The following NEDD4L variants were observed in gnomAD, a reference collection of about 807,000 sequenced individuals.
NEDD4L encodes E3 ubiquitin-protein ligase NEDD4-like.
Under a neutral mutation model 148.9 loss-of-function variants are expected in NEDD4L, and 54 were observed. The observed-to-expected ratio is 0.36, with a 90% CI of 0.29 to 0.45. NEDD4L has a LOEUF of 0.45. Among genes scored for constraint, NEDD4L ranks in the 20% least tolerant of loss-of-function variants. The pLI, the probability that NEDD4L is intolerant of heterozygous loss-of-function variation, is 1.00. For missense variants in NEDD4L, 856 were observed against 1,233.8 expected (o/e 0.69, Z 4.59); for synonymous variants, 433 against 440.7 (o/e 0.98, Z 0.22).
chr18:58,126,396 T>C (rs555307956), intron 1 of NEDD4L, among the ~76,000 whole-genome samples: 1 of 152,346 alleles, frequency 6.6e-6, no homozygotes, highest in East Asian at 1.9e-4. Context: ...TAGGGGGTCT[T>C]TTGCTTGGGA....
At chr18:58,071,439 G>A (rs916614455) in intron 1 of NEDD4L, among the ~76,000 whole-genome samples, 1 of 152,198 alleles carries the variant, frequency 6.6e-6, no homozygotes, top group African/African-American at 2.4e-5. Context: ...ATTCACTGGA[G>A]GGGCTTAGCA....
intron 5 of NEDD4L, among the ~76,000 whole-genome samples, chr18:58,307,637 C>T (rs959369738): frequency 1.1e-4 from 17 of 152,298 alleles, no homozygotes; most frequent in African/African-American, 3.6e-4. Flanking sequence ...TGGCTTGTGA[C>T]ATTCTACATA....
intron 1 of NEDD4L, among the ~76,000 whole-genome samples, chr18:58,060,349 G>A (rs1426210712): frequency 6.6e-6 from 1 of 152,120 alleles, no homozygotes; most frequent in Non-Finnish European, 1.5e-5. Flanking sequence ...CCTGGCCTCA[G>A]GTAATCCTCC....
At chr18:58,148,799 C>A (rs1599111528) in intron 1 of NEDD4L, among the ~76,000 whole-genome samples, 1 of 152,182 alleles carries the variant, frequency 6.6e-6, no homozygotes, top group East Asian at 1.9e-4. Context: ...ACCCATAACA[C>A]CAATGTCATA....
intron 1 of NEDD4L, among the ~76,000 whole-genome samples, chr18:58,076,778 A>T (rs1599099161): frequency 6.6e-6 from 1 of 152,068 alleles, no homozygotes; most frequent in East Asian, 1.9e-4. Flanking sequence ...CCTGCAGAAA[A>T]GGTAAAGAAT....
chr18:58,382,251 A>G (rs1275913252), intron 24 of NEDD4L, among the ~76,000 whole-genome samples: 1 of 152,236 alleles, frequency 6.6e-6, no homozygotes, highest in African/African-American at 2.4e-5. Flanking sequence ...TCCTGGGTGC[A>G]GGTGGCAGGA....
chr18:58,081,320 A>G (rs949886399), intron 1 of NEDD4L, among the ~76,000 whole-genome samples: 10 of 145,294 alleles, frequency 6.9e-5, no homozygotes, highest in Non-Finnish European at 1.0e-4. Flanking sequence ...GGTTCACGCC[A>G]TGCTCCTGCC....
intron 24 of NEDD4L, among the ~76,000 whole-genome samples, chr18:58,378,299 G>A (rs1217446183): frequency 6.6e-6 from 1 of 152,164 alleles, no homozygotes; most frequent in African/African-American, 2.4e-5. Flanking sequence ...GAGAGAGGTG[G>A]GCCACTGGCA....
chr18:58,237,903 T>C (rs1217638407), intron 2 of NEDD4L, among the ~76,000 whole-genome samples: 2 of 152,220 alleles, frequency 1.3e-5, no homozygotes. Flanking sequence ...GAGTTGGTCC[T>C]GGCTAGAGAT....
intron 9 of NEDD4L, 60 bp from the exon 10 acceptor site, chr18:58,328,935 A>T: frequency 1.2e-6 from 2 of 1,607,394 alleles, no homozygotes; most frequent in Non-Finnish European, 1.7e-6. Context: ...TTGAACTGTC[A>T]TGAAGGGCCC....
chr18:58,058,163 G>A (rs983835654), intron 1 of NEDD4L, among the ~76,000 whole-genome samples: 2 of 152,170 alleles, frequency 1.3e-5, no homozygotes, highest in Non-Finnish European at 2.9e-5. Flanking sequence ...AAAATTAGCT[G>A]GGTGTGGTGG....
At chr18:58,319,709 A>G (rs2058606058) in intron 6 of NEDD4L, among the ~76,000 whole-genome samples, 1 of 152,202 alleles carries the variant, frequency 6.6e-6, no homozygotes, top group African/African-American at 2.4e-5. Flanking sequence ...AGTTATCTAT[A>G]AGATCATCTT....
chr18:58,105,843 C>G (rs985311776), intron 1 of NEDD4L, among the ~76,000 whole-genome samples: 3 of 152,090 alleles, frequency 2.0e-5, no homozygotes, highest in Non-Finnish European at 4.4e-5. Context: ...AAAGCCAGCC[C>G]GCAAAAGATC....
chr18:58,087,061 T>C (rs2083794268), intron 1 of NEDD4L, among the ~76,000 whole-genome samples: 1 of 152,240 alleles, frequency 6.6e-6, no homozygotes, highest in South Asian at 2.1e-4. Flanking sequence ...TGGAGACTGC[T>C]GAAGGACAAC....
intron 11 of NEDD4L, among the ~76,000 whole-genome samples, chr18:58,332,192 C>A (rs1210871732): frequency 2.0e-5 from 3 of 152,060 alleles, no homozygotes; most frequent in African/African-American, 4.8e-5. Context: ...GTTAGCAATT[C>A]TAATTATTTA....
intron 5 of NEDD4L, among the ~76,000 whole-genome samples, chr18:58,307,307 C>T (rs1033139906): frequency 6.6e-6 from 1 of 152,090 alleles, no homozygotes; most frequent in East Asian, 1.9e-4. Flanking sequence ...ACTAGCAGGA[C>T]TCCAGCTTGG....
chr18:58,235,084 A>G (rs567654536), intron 2 of NEDD4L, among the ~76,000 whole-genome samples: 1 of 151,918 alleles, frequency 6.6e-6, no homozygotes, highest in Non-Finnish European at 1.5e-5. Flanking sequence ...GGTGTGTTCA[A>G]AGATTGTACG....
At chr18:58,119,864 T>C (rs1403556242) in intron 1 of NEDD4L, among the ~76,000 whole-genome samples, 3 of 152,176 alleles carry the variant, frequency 2.0e-5, no homozygotes, top group Non-Finnish European at 4.4e-5. Context: ...GGCGGTTTGC[T>C]TAGAAGCTGC....
chr18:58,198,644 A>T (rs2041019540), intron 2 of NEDD4L, among the ~76,000 whole-genome samples: 1 of 152,140 alleles, frequency 6.6e-6, no homozygotes, highest in African/African-American at 2.4e-5. Flanking sequence ...ATAGAATCTG[A>T]TGTTTACCTT....
Sources: allele counts gnomAD v4.1 joint callset (sites outside exome capture counted in the v4.1 genomes callset), GRCh38; gene constraint gnomAD v4.1.1; transcripts MANE v1.5; gene names NCBI Gene and HGNC (gene_info 2026-07-23, HGNC 2026-07-21).